SNX10: variants seen among roughly 807,000 people sequenced by gnomAD.
SNX10 encodes the protein sorting nexin-10.
A neutral mutation model predicts 28.5 loss-of-function variants in SNX10; 25 were observed. That is an observed-to-expected ratio of 0.88 (90% CI 0.64 to 1.22). SNX10 has a LOEUF of 1.22. Among genes scored for constraint, SNX10 ranks in the 50% most tolerant of loss-of-function variants. The probability of loss-of-function intolerance (pLI) is 0.00; values close to 1 mark genes in which losing one functional copy is unlikely to be tolerated. For synonymous variants in SNX10, 62 were observed against 81.4 expected (o/e 0.76, Z 1.28); for missense variants, 223 against 242.6 (o/e 0.92, Z 0.54).
intron 1 of SNX10, among the ~76,000 whole-genome samples, chr7:26,321,851 C>G (rs1787322264): frequency 6.6e-6 from 1 of 151,922 alleles, no homozygotes; most frequent in African/African-American, 2.4e-5. Context: ...TCAAGATATC[C>G]TCTTGAGTCT....
chr7:26,371,080 C>T (rs1562824316), intron 5 of SNX10, among the ~76,000 whole-genome samples: 1 of 149,184 alleles, frequency 6.7e-6, no homozygotes, highest in Admixed American at 6.6e-5. Context: ...GTTCTGATGC[C>T]CTGGTTGAAA....
At chr7:26,343,819 T>C (rs1479979660) in intron 1 of SNX10, among the ~76,000 whole-genome samples, 2 of 152,232 alleles carry the variant, frequency 1.3e-5, no homozygotes, top group African/African-American at 4.8e-5. Flanking sequence ...CCCCTTGGCA[T>C]GACCCAGGCC....
rs35527687 is a variant in SNX10, at chr7:26,358,805, G to GTTTTTTTTTTTTT, written c.25-2163_25-2151dup. On this transcript the variant is annotated intron_variant, in intron 2 of 6. Coordinates refer to ENST00000338523, the MANE Select transcript of SNX10 (RefSeq NM_013322.3). ...GAGCATCACTATAGTGTTATCTTGT[G>GTTTTTTTTTTTTT]TTTTTTTTTTTTTTTTTTTGACCAA... Among the ~76,000 whole-genome samples, 193 of 100,098 alleles carry GTTTTTTTTTTTTT rather than the reference G, an allele frequency of 1.9e-3. 19 individuals carry two copies. Among genetic ancestry groups the GTTTTTTTTTTTTT allele is most frequent in the African/African-American group, 7.5e-3 (171 of 22,680 alleles). The allele number at this position is 100,098 out of a possible 152,430, so 65.7% of individuals were successfully genotyped here.
chr7:26,349,317 G>A (rs1199189640), intron 2 of SNX10, among the ~76,000 whole-genome samples: 1 of 151,726 alleles, frequency 6.6e-6, no homozygotes. Context: ...CTGTCTAAAT[G>A]GTAGTACTGA....
chr7:26,335,560 G>T (rs1425110586), intron 1 of SNX10, among the ~76,000 whole-genome samples: 1 of 144,918 alleles, frequency 6.9e-6, no homozygotes, highest in Non-Finnish European at 1.5e-5. Context: ...CTGTAGATCT[G>T]CCCTAGGAGC....
intron 1 of SNX10, among the ~76,000 whole-genome samples, chr7:26,330,213 G>A (rs565704819): frequency 1.7e-5 from 2 of 120,680 alleles, no homozygotes; most frequent in African/African-American, 2.8e-5. Context: ...CTTGTAGGAG[G>A]TCAGAAAAAG....
intron 1 of SNX10, among the ~76,000 whole-genome samples, chr7:26,322,631 GC>G (rs1787353334): frequency 1.3e-5 from 2 of 152,200 alleles, no homozygotes; most frequent in East Asian, 3.9e-4. Context: ...CTGCTTATTG[GC>G]GTTGATGTTG....
At chr7:26,330,697 GA>G (rs1295216536) in intron 1 of SNX10, among the ~76,000 whole-genome samples, 1 of 152,122 alleles carries the variant, frequency 6.6e-6, no homozygotes, top group Non-Finnish European at 1.5e-5. Context: ...CTCATAGGAG[GA>G]GGGTGTTTTG....
intron 1 of SNX10, among the ~76,000 whole-genome samples, chr7:26,300,428 A>T (rs1786291428): frequency 6.6e-6 from 1 of 152,102 alleles, no homozygotes; most frequent in Admixed American, 6.5e-5. Context: ...TAAGTCTGTT[A>T]TCCTGAAATA....
chr7:26,297,423 G>A (rs1786153942), intron 1 of SNX10, among the ~76,000 whole-genome samples: 1 of 152,192 alleles, frequency 6.6e-6, no homozygotes, highest in African/African-American at 2.4e-5. Context: ...TAACTTTGGT[G>A]TAGGAAAGAC....
Position 26,372,033 on chromosome 7 carries a change from G to A in SNX10, c.524G>A (p.Ser175Asn). ...AATGATATAGATTATGATTCAGAAA[G>A]GTATTTCCTTGCATTTTGATTTAAT... The part of the protein sequence containing the change: ...KENDIDYDSE[S>N]SSSGLGHSSD... The change falls in exon 6 of 7, where the codon AGT becomes AAT. Residue 175 changes from serine to asparagine, a missense_variant and splice_region_variant. Physicochemically the swap from Ser to Asn is conservative, Grantham distance 46 (BLOSUM62 1). Transcript: ENST00000338523. The A allele has an allele frequency of 6.3e-7, 1 of 1,583,852 alleles. No homozygotes were observed. Among genetic ancestry groups the A allele is most frequent in the South Asian group, 1.1e-5 (1 of 90,130 alleles).
At chr7:26,301,076 G>A (rs1008801092) in intron 1 of SNX10, among the ~76,000 whole-genome samples, 1 of 146,042 alleles carries the variant, frequency 6.8e-6, no homozygotes, top group African/African-American at 2.5e-5. Context: ...TGTGTTTTCT[G>A]AGTATAGCTT....
intron 1 of SNX10, among the ~76,000 whole-genome samples, chr7:26,336,562 C>A (rs73068425): frequency 6.6e-6 from 1 of 151,834 alleles, no homozygotes; most frequent in Non-Finnish European, 1.5e-5. Flanking sequence ...AAAAATTAGC[C>A]GGGCTTGGTG....
chr7:26,346,073 A>G (rs1026626625), intron 1 of SNX10, among the ~76,000 whole-genome samples: 3 of 152,138 alleles, frequency 2.0e-5, no homozygotes, highest in Admixed American at 1.3e-4. Context: ...TTTTCCAGCC[A>G]GCATCCCCCC....
chr7:26,347,652 C>A (rs899264570), intron 2 of SNX10, among the ~76,000 whole-genome samples: 5 of 152,218 alleles, frequency 3.3e-5, no homozygotes, highest in Non-Finnish European at 7.3e-5. Context: ...GAGTTCGAGA[C>A]CAGCCTGTCC....
At chr7:26,339,542 T>TTTTTTTTTTTTTGTTGTTTTG (rs1788095874) in intron 1 of SNX10, among the ~76,000 whole-genome samples, 1 of 48,324 alleles carries the variant, frequency 2.1e-5, no homozygotes. Flanking sequence ...TTTTTTTTTT[T>TTTTTTTTTTTTTGTTGTTTTG]CTTTTTTTTT....
At chr7:26,340,361 A>G (rs4628164) in intron 1 of SNX10, among the ~76,000 whole-genome samples, 370 of 152,308 alleles carry the variant, frequency 2.4e-3, no homozygotes, top group African/African-American at 5.7e-3. Flanking sequence ...CCTTTTCACT[A>G]TGCACTGCAG....
intron 2 of SNX10, chr7:26,357,137 A>G (rs1265892616): frequency 6.1e-6 from 4 of 659,422 alleles, no homozygotes; most frequent in African/African-American, 3.7e-5. Flanking sequence ...GGTAATTACA[A>G]TACAGCACAG....
intron 1 of SNX10, among the ~76,000 whole-genome samples, chr7:26,315,651 A>G (rs974799145): frequency 1.3e-5 from 2 of 151,996 alleles, no homozygotes; most frequent in African/African-American, 4.8e-5. Flanking sequence ...CCTGGGCGAC[A>G]GAGTGAGACT....
Sources: gnomAD v4.1 joint callset for allele counts (sites outside exome capture counted in the v4.1 genomes callset) on GRCh38, gnomAD v4.1.1 for gene constraint, MANE v1.5 for transcripts, NCBI Gene and HGNC (gene_info 2026-07-23, HGNC 2026-07-21) for gene names.